FLT1: variants seen among roughly 807,000 people sequenced by gnomAD.
FLT1 encodes the protein fms related receptor tyrosine kinase 1.
In FLT1, 49 loss-of-function variants were observed where a neutral mutation model predicts 156.3. The observed-to-expected ratio is 0.31, with a 90% CI of 0.25 to 0.40. The LOEUF (loss-of-function observed/expected upper bound fraction) is 0.40, where lower values mean the gene tolerates loss of function less well. FLT1 is among the 10% of genes least tolerant of loss of function. The pLI is 1.00. For missense variants in FLT1, 1,322 were observed against 1,637.2 expected (o/e 0.81, Z 3.32); for synonymous variants, 594 against 583.8 (o/e 1.02, Z -0.25).
chr13:28,302,757 TC>T lies in FLT1; in HGVS notation c.*409del. Reference sequence around the variant, plus strand: ...AGATGTTGCTCAGGCCAGCCAGTGATCCCTGGGGCTAACGGGCTTGTTGCCC... The same window carrying T: ...AGATGTTGCTCAGGCCAGCCAGTGATCCTGGGGCTAACGGGCTTGTTGCCC... On this transcript the variant is annotated 3_prime_UTR_variant, in exon 30 of 30. Coordinates refer to ENST00000282397, the MANE Select transcript of FLT1 (RefSeq NM_002019.4). 1 of 257,984 alleles carries T rather than the reference TC, an allele frequency of 3.9e-6. No individual in the cohort carries two copies. Among genetic ancestry groups the T allele is most frequent in the Non-Finnish European group, 7.5e-6 (1 of 133,588 alleles). The allele number at this position is 257,984 out of a possible 1,614,324, so 16.0% of individuals were successfully genotyped here.
intron 14 of FLT1, chr13:28,368,105 G>A (rs1873368608): frequency 2.7e-6 from 2 of 730,738 alleles, no homozygotes; most frequent in African/African-American, 1.9e-5. Context: ...ATGCATGTAT[G>A]TTAAGTTTAA....
chr13:28,451,387 C>T (rs1425619127), intron 3 of FLT1, among the ~76,000 whole-genome samples: 1 of 152,224 alleles, frequency 6.6e-6, no homozygotes, highest in Non-Finnish European at 1.5e-5. Flanking sequence ...CGTGCCACTG[C>T]CCTCCAGCCC....
At chr13:28,415,480 T>TTAATAA (rs369880174) in intron 10 of FLT1, among the ~76,000 whole-genome samples, 8 of 151,398 alleles carry the variant, frequency 5.3e-5, no homozygotes, top group Non-Finnish European at 8.8e-5. Context: ...AAACTCCATC[T>TTAATAA]TAATAATAAT....
At chr13:28,482,820 A>C (rs1880937194) in intron 1 of FLT1, among the ~76,000 whole-genome samples, 1 of 152,256 alleles carries the variant, frequency 6.6e-6, no homozygotes, top group African/African-American at 2.4e-5. Context: ...CACTCCTGTT[A>C]GTTTCCTGAA....
At chr13:28,367,824 A>T (rs572524391) in intron 14 of FLT1, among the ~76,000 whole-genome samples, 11 of 152,314 alleles carry the variant, frequency 7.2e-5, no homozygotes, top group African/African-American at 2.6e-4. Context: ...CATTATATTC[A>T]TCCACTTTGG....
chr13:28,435,897 C>T (rs1877997144), intron 4 of FLT1, among the ~76,000 whole-genome samples: 1 of 152,290 alleles, frequency 6.6e-6, no homozygotes, highest in Admixed American at 6.5e-5. Flanking sequence ...ACCTTCTCTT[C>T]TAATTTAGTG....
Position 28,321,544 on chromosome 13 carries a change from A to G in FLT1, c.3093T>C (p.Ser1031=). The G allele has an allele frequency of 6.2e-7, 1 of 1,614,162 alleles. No homozygotes were observed. The highest frequency in any genetic ancestry group is 8.5e-7 in the Non-Finnish European group (1 of 1,179,972). ...RDLAARNILL[S]ENNVVKICDF... ...CACAAATCTTCACCACGTTGTTCTCAGATAAAAGAATGTTTCTCGCTGCCA... is the reference window on the plus strand; with the variant it reads ...CACAAATCTTCACCACGTTGTTCTCGGATAAAAGAATGTTTCTCGCTGCCA... The change falls in exon 23 of 30, where the codon TCT becomes TCC. Residue 1031 remains serine, a synonymous_variant. Transcript: ENST00000282397.
intron 25 of FLT1, among the ~76,000 whole-genome samples, chr13:28,316,428 T>TC (rs1369761877): frequency 6.6e-6 from 1 of 152,222 alleles, no homozygotes; most frequent in Admixed American, 6.5e-5. Context: ...GAGGCCCAAG[T>TC]CCTTGTCAGC....
chr13:28,357,502 G>A lies in FLT1; in HGVS notation c.2248+52C>T. On this transcript the variant is annotated intron_variant, in intron 15 of 29. Coordinates refer to ENST00000282397, the MANE Select transcript of FLT1 (RefSeq NM_002019.4). ...TGGGAGGTGGAAAGTTAAACAAACA[G>A]GGAAATAGATGTCTGACCAATTTCT... The A allele has an allele frequency of 2.5e-6, 4 of 1,596,940 alleles. No homozygotes were observed. In the South Asian group the frequency reaches 3.3e-5, roughly 13 times the overall value.
chr13:28,366,487 G>A (rs1339577794), intron 14 of FLT1, among the ~76,000 whole-genome samples: 1 of 148,130 alleles, frequency 6.8e-6, no homozygotes, highest in Non-Finnish European at 1.5e-5. Context: ...TTTTTTTTTC[G>A]AGATGGAGTT....
At chr13:28,463,555 T>A (rs1360066174) in intron 3 of FLT1, among the ~76,000 whole-genome samples, 5 of 152,220 alleles carry the variant, frequency 3.3e-5, no homozygotes, top group Non-Finnish European at 5.9e-5. Context: ...AGATGCTTAT[T>A]GGGGCTGAAA....
At chr13:28,359,916 G>T (rs1054120531) in intron 14 of FLT1, among the ~76,000 whole-genome samples, 2 of 152,148 alleles carry the variant, frequency 1.3e-5, no homozygotes, top group African/African-American at 4.8e-5. Flanking sequence ...TTCAAGACCA[G>T]CCTCGCCAAC....
Position 28,357,633 on chromosome 13 carries a change from T to C in FLT1, c.2169A>G (p.Glu723=). 1.2e-6 allele frequency: 2 copies of C among 1,613,774 alleles called. No individual in the cohort carries two copies. Among genetic ancestry groups the C allele is most frequent in the Non-Finnish European group, 1.7e-6 (2 of 1,179,638 alleles). The stretch of plus-strand genomic sequence containing the variant: ...TGCAGTGATAGACACCTTCATCCTC[T>C]TCTGTGACTCTTTCAATAAACAGCG... ...SSTLFIERVT[E]EDEGVYHCKA... is the part of the protein sequence containing the mutation. The change falls in exon 15 of 30, where the codon GAA becomes GAG. Residue 723 remains glutamate (E), a synonymous_variant. Coordinates refer to ENST00000282397, the MANE Select transcript of FLT1 (RefSeq NM_002019.4).
intron 16 of FLT1, among the ~76,000 whole-genome samples, chr13:28,342,717 T>C (rs1872384161): frequency 6.6e-6 from 1 of 152,218 alleles, no homozygotes; most frequent in Non-Finnish European, 1.5e-5. Context: ...GAGCCTCAGT[T>C]GCCCTCTCTA....
rs559291624 is a variant in FLT1 at position 28,303,084 on chromosome 13, T to C, written c.*83A>G. ...ATGGAAAGATAAAGGTGTAAACTTA[T>C]ATATGCATAATACTGGCAAAAGCTA... is the stretch of plus-strand genomic sequence containing the variant. On this transcript the variant is annotated 3_prime_UTR_variant, in exon 30 of 30. Transcript: ENST00000282397. 5.6e-4 allele frequency: 699 copies of C among 1,255,178 alleles called. 1 individual carries two copies. The highest frequency in any genetic ancestry group is 7.3e-4 in the Non-Finnish European group (638 of 872,718). 77.8% of individuals were successfully genotyped at this position (1,255,178 alleles called of 1,614,324 possible). A position where few individuals can be genotyped will look rare whatever the true frequency, so the allele number is the denominator to read the frequency against.
intron 18 of FLT1, among the ~76,000 whole-genome samples, chr13:28,330,976 G>A (rs1566289935): frequency 6.6e-6 from 1 of 152,204 alleles, no homozygotes; most frequent in Non-Finnish European, 1.5e-5. Flanking sequence ...TTACAGGCGT[G>A]AGCCACCACA....
chr13:28,419,420 A>G (rs546345557), intron 10 of FLT1, among the ~76,000 whole-genome samples: 2 of 152,336 alleles, frequency 1.3e-5, no homozygotes, highest in Non-Finnish European at 2.9e-5. Context: ...TAGTTTCTAG[A>G]TTCAATAATA....
intron 13 of FLT1, chr13:28,387,988 A>G (rs1874470556): frequency 3.8e-6 from 4 of 1,060,200 alleles, no homozygotes; most frequent in Non-Finnish European, 3.4e-6. Flanking sequence ...TGCATGTCCA[A>G]TTCACCATTT....
Position 28,409,460 on chromosome 13 carries a change from G to A in FLT1, c.1437-3566C>T, listed in dbSNP as rs199831031. Among the ~76,000 whole-genome samples, 62 of 151,386 alleles carry A rather than the reference G, an allele frequency of 4.1e-4. No homozygotes were observed. The East Asian group carries it at 0.012, about 28-fold the overall frequency. ...ACTGACCCTCCAACTTCAGCCTTCC[G>A]AGTAGCTGGGACTACATGTGTGTGC... On this transcript the variant is annotated intron_variant, in intron 10 of 29. Coordinates refer to ENST00000282397, the MANE Select transcript of FLT1 (RefSeq NM_002019.4).
Sources: allele counts gnomAD v4.1 joint callset (sites outside exome capture counted in the v4.1 genomes callset), GRCh38; gene constraint gnomAD v4.1.1; transcripts MANE v1.5; gene names NCBI Gene and HGNC (gene_info 2026-07-23, HGNC 2026-07-21).